PPP1R12B: variants seen among roughly 807,000 people sequenced by gnomAD.
PPP1R12B encodes the protein protein phosphatase 1 regulatory subunit 12B.
In PPP1R12B, 76 loss-of-function variants were observed where a neutral mutation model predicts 126.1. The observed-to-expected ratio is 0.60, with a 90% CI of 0.50 to 0.73. The LOEUF is 0.73. Ranked by LOEUF, PPP1R12B falls within the 30% of genes least tolerant of loss-of-function variation. The pLI, the probability that PPP1R12B is intolerant of heterozygous loss-of-function variation, is 0.00. For missense variants in PPP1R12B, 1,052 were observed against 1,205.1 expected (o/e 0.87, Z 1.88); for synonymous variants, 356 against 434.7 (o/e 0.82, Z 2.25).
intron 1 of PPP1R12B, among the ~76,000 whole-genome samples, chr1:202,356,495 G>A (rs1657128139): frequency 6.6e-6 from 1 of 152,144 alleles, no homozygotes; most frequent in Admixed American, 6.5e-5. Flanking sequence ...ATGTAAATAT[G>A]TTACCTTACA....
At chr1:202,526,721 A>T (rs1289166252) in intron 18 of PPP1R12B, among the ~76,000 whole-genome samples, 1 of 152,212 alleles carries the variant, frequency 6.6e-6, no homozygotes, top group African/African-American at 2.4e-5. Context: ...AGCTGGAAAG[A>T]TACGATGTGG....
intron 19 of PPP1R12B, among the ~76,000 whole-genome samples, chr1:202,560,990 TACCCTAAAACTTA>T (rs1307845529): frequency 1.3e-5 from 2 of 151,690 alleles, no homozygotes; most frequent in African/African-American, 4.8e-5. Flanking sequence ...TGTGCACATG[TACCCTAAAACTTA>T]AAGTATAATA....
intron 13 of PPP1R12B, among the ~76,000 whole-genome samples, chr1:202,463,473 A>G (rs1674577557): frequency 6.6e-6 from 1 of 152,166 alleles, no homozygotes; most frequent in African/African-American, 2.4e-5. Flanking sequence ...CTTAAATATT[A>G]TATATGTTTT....
rs4950781 is a variant in PPP1R12B at position 202,591,553 on chromosome 1, T to G, written c.*10993T>G. The G allele has an allele frequency of 0.52, 79,907 of 152,360 alleles. 23,418 individuals carry two copies. Among genetic ancestry groups the G allele is most frequent in the South Asian group, 0.7 (3,375 of 4,824 alleles). 9.4% of individuals were successfully genotyped at this position (152,360 alleles called of 1,614,324 possible). ...GGACTTAGTCCACACCTGCTCTGCC[T>G]GAGCCTCTCTCACAGCTGAACCTGC... On this transcript the variant is annotated 3_prime_UTR_variant, in exon 24 of 24. Transcript: ENST00000608999.
intron 13 of PPP1R12B, among the ~76,000 whole-genome samples, chr1:202,475,042 AC>A (rs1212555919): frequency 6.6e-6 from 1 of 152,204 alleles, no homozygotes; most frequent in Non-Finnish European, 1.5e-5. Context: ...TTTTAGATTT[AC>A]CCCTTTGTTT....
chr1:202,423,990 C>T (rs989239109), intron 3 of PPP1R12B, among the ~76,000 whole-genome samples: 5 of 152,020 alleles, frequency 3.3e-5, no homozygotes, highest in African/African-American at 1.2e-4. Flanking sequence ...TGGCTTTGTG[C>T]GCTATTGAAT....
chr1:202,484,114 A>G (rs1235680673), intron 13 of PPP1R12B, among the ~76,000 whole-genome samples: 1 of 152,144 alleles, frequency 6.6e-6, no homozygotes, highest in African/African-American at 2.4e-5. Flanking sequence ...ATTTAAGGCT[A>G]TTATTGATAA....
intron 23 of PPP1R12B, among the ~76,000 whole-genome samples, chr1:202,569,893 T>A (rs940911168): frequency 1.3e-5 from 2 of 151,916 alleles, no homozygotes; most frequent in African/African-American, 4.8e-5. Context: ...TGCTAAGAAC[T>A]GGAAATCTAC....
chr1:202,519,564 G>A (rs1368182705), intron 18 of PPP1R12B, among the ~76,000 whole-genome samples: 2 of 152,098 alleles, frequency 1.3e-5, no homozygotes, highest in Non-Finnish European at 2.9e-5. Flanking sequence ...GAACCACTGT[G>A]CCTGGCCTCA....
In PPP1R12B at chr1:202,434,639, C is replaced by T. The variant is rs1177221378; in HGVS notation, c.1142-17C>T. On this transcript the variant is annotated splice_polypyrimidine_tract_variant and intron_variant, in intron 8 of 23. Transcript: ENST00000608999. ...TTTTATACTAGTACTTGTTAATTCT[C>T]TTGTCTTAAATAACAGATAAAAAGC... is the stretch of plus-strand genomic sequence containing the variant. 2.1e-5 allele frequency: 33 copies of T among 1,600,754 alleles called. No homozygotes were observed. The highest frequency in any genetic ancestry group is 2.6e-5 in the Non-Finnish European group (31 of 1,177,036).
At chr1:202,578,671 A>ATC (rs1284148954) in intron 23 of PPP1R12B, among the ~76,000 whole-genome samples, 1 of 152,250 alleles carries the variant, frequency 6.6e-6, no homozygotes, top group Non-Finnish European at 1.5e-5. Context: ...CAGTGATTGT[A>ATC]GGAACACTCA....
At chr1:202,563,872 A>G (rs1437226359) in intron 20 of PPP1R12B, among the ~76,000 whole-genome samples, 4 of 152,110 alleles carry the variant, frequency 2.6e-5, no homozygotes, top group Non-Finnish European at 4.4e-5. Context: ...GTTCCAGACC[A>G]GCCTGGGCAA....
At position 202,416,840 on chromosome 1, in the gene PPP1R12B, C is replaced by T; in HGVS notation, c.345C>T (p.Ala115=). The T allele has an allele frequency of 6.2e-7, 1 of 1,613,934 alleles. No homozygotes were observed. Among genetic ancestry groups the T allele is most frequent in the Non-Finnish European group, 8.5e-7 (1 of 1,179,918 alleles). The change falls in exon 2 of 24, where the codon GCC becomes GCT. Residue 115 remains alanine (A), a synonymous_variant. Transcript: ENST00000608999. Reference sequence around the variant, plus strand: ...TGAAGTTTCTGGTGGAGAACAGAGCCAATGTAAACCAGCAAGACAACGAGG... The same window carrying T: ...TGAAGTTTCTGGTGGAGAACAGAGCTAATGTAAACCAGCAAGACAACGAGG... ...DMVKFLVENR[A]NVNQQDNEGW... is the part of the protein sequence containing the mutation.
chr1:202,488,887 A>T (rs1324993152), intron 14 of PPP1R12B, among the ~76,000 whole-genome samples: 1 of 152,198 alleles, frequency 6.6e-6, no homozygotes, highest in Non-Finnish European at 1.5e-5. Context: ...TACTAAAAAT[A>T]TGAAAATTAG....
At chr1:202,355,184 C>T (rs940070480) in intron 1 of PPP1R12B, among the ~76,000 whole-genome samples, 4 of 152,074 alleles carry the variant, frequency 2.6e-5, no homozygotes, top group East Asian at 1.9e-4. Flanking sequence ...GGATTATAGG[C>T]GTGAGCCACC....
chr1:202,451,080 A>G (rs1355473610), intron 13 of PPP1R12B, among the ~76,000 whole-genome samples: 1 of 149,644 alleles, frequency 6.7e-6, no homozygotes, highest in East Asian at 2.0e-4. Context: ...TAGTTATTTG[A>G]TTAATTCCTA....
intron 1 of PPP1R12B, among the ~76,000 whole-genome samples, chr1:202,411,795 G>A (rs1309966958): frequency 6.6e-6 from 1 of 152,168 alleles, no homozygotes; most frequent in Non-Finnish European, 1.5e-5. Context: ...CATCAGCAGA[G>A]CTGGTTTGCA....
In PPP1R12B at chr1:202,348,784, G is replaced by GCGGCAA; in HGVS notation, c.-66_-61dup. 2 of 1,514,778 alleles carry GCGGCAA rather than the reference G, an allele frequency of 1.3e-6. No individual in the cohort carries two copies. Among genetic ancestry groups the GCGGCAA allele is most frequent in the Non-Finnish European group, 1.8e-6 (2 of 1,135,570 alleles). The allele number at this position is 1,514,778 out of a possible 1,614,324, so 93.8% of individuals were successfully genotyped here. A position where few individuals can be genotyped will look rare whatever the true frequency, so the allele number is the denominator to read the frequency against. Reference sequence around the variant, plus strand: ...CTGAAGCGCTCTGAGAGAGGCGGCAGCGGCAACTCGAGCCCCAACAGTAAT... The same window carrying GCGGCAA: ...CTGAAGCGCTCTGAGAGAGGCGGCAGCGGCAACGGCAACTCGAGCCCCAACAGTAAT... On this transcript the variant is annotated 5_prime_UTR_variant, in exon 1 of 24. Transcript: ENST00000608999.
chr1:202,440,866 T>C lies in PPP1R12B; in HGVS notation c.1541+78T>C, dbSNP rs983357413. 20 of 1,211,340 alleles carry C rather than the reference T, an allele frequency of 1.7e-5. No homozygotes were observed. In the South Asian group the frequency reaches 2.1e-4, roughly 13 times the overall value. 75.0% of individuals were successfully genotyped at this position (1,211,340 alleles called of 1,614,324 possible). A position where few individuals can be genotyped will look rare whatever the true frequency, so the allele number is the denominator to read the frequency against. ...CATAGTCATCTCCTGGGCATTACTCTTCTGCATTTTTCCCTCAGGTGTCCT... is the reference window on the plus strand; with the variant it reads ...CATAGTCATCTCCTGGGCATTACTCCTCTGCATTTTTCCCTCAGGTGTCCT... On this transcript the variant is annotated intron_variant, in intron 11 of 23. Transcript: ENST00000608999.
Sources: gnomAD v4.1 joint callset for allele counts (sites outside exome capture counted in the v4.1 genomes callset) on GRCh38, gnomAD v4.1.1 for gene constraint, MANE v1.5 for transcripts, NCBI Gene and HGNC (gene_info 2026-07-23, HGNC 2026-07-21) for gene names.